LRP1B: variants seen among roughly 807,000 people sequenced by gnomAD.
LRP1B encodes the protein LDL receptor related protein 1B.
A neutral mutation model predicts 556.6 loss-of-function variants in LRP1B; 217 were observed. The ratio of observed to expected loss-of-function variants is 0.39; its 90% CI spans 0.35 to 0.44. The LOEUF (loss-of-function observed/expected upper bound fraction) is 0.44, where lower values mean the gene tolerates loss of function less well. Among genes scored for constraint, LRP1B ranks in the 20% least tolerant of loss-of-function variants. The pLI, the probability that LRP1B is intolerant of heterozygous loss-of-function variation, is 1.00. For missense variants in LRP1B, 5,053 were observed against 5,620.8 expected (o/e 0.90, Z 3.23); for synonymous variants, 2,047 against 1,865.8 (o/e 1.10, Z -2.50).
intron 35 of LRP1B, among the ~76,000 whole-genome samples, chr2:140,752,215 G>A (rs904901799): frequency 1.8e-4 from 27 of 152,114 alleles, no homozygotes; most frequent in Non-Finnish European, 7.4e-5. Context: ...TAAGAAGGCT[G>A]AGGCAGAAGA....
chr2:140,270,402 G>A (rs2104944337), intron 85 of LRP1B, 56 bp from the exon 86 acceptor site: 2 of 1,104,866 alleles, frequency 1.8e-6, no homozygotes, highest in Non-Finnish European at 2.8e-6. Flanking sequence ...CATTATTGCT[G>A]AAAGCTGACA....
At chr2:140,414,160 C>G (rs1401395757) in intron 66 of LRP1B, among the ~76,000 whole-genome samples, 1 of 152,130 alleles carries the variant, frequency 6.6e-6, no homozygotes, top group East Asian at 1.9e-4. Flanking sequence ...AAGCAATCCT[C>G]CCACCTTTAC....
intron 82 of LRP1B, among the ~76,000 whole-genome samples, chr2:140,319,288 A>C (rs997229157): frequency 6.6e-6 from 1 of 152,152 alleles, no homozygotes; most frequent in African/African-American, 2.4e-5. Flanking sequence ...CATCAGAGCC[A>C]ATGTAAAAGT....
At position 140,903,045 on chromosome 2, in the gene LRP1B, A is replaced by G. The variant is rs759807536; in HGVS notation, c.3641T>C (p.Ile1214Thr). The G allele has an allele frequency of 6.2e-7, 1 of 1,613,704 alleles. No homozygotes were observed. The change falls in exon 23 of 91, where the codon ATT becomes ACT. Residue 1214 changes from isoleucine to threonine, a missense_variant. Around this residue, in one of 5 missense-constraint regions of LRP1B, gnomAD observed 3,619 missense variants for 3,931.9 expected, o/e 0.92. Transcript: ENST00000389484. ...QLNKDNKTCEIVDYCSNHLKC... is the reference protein window; with the variant it reads ...QLNKDNKTCETVDYCSNHLKC... Reference sequence around the variant, plus strand: ...TAGATGATTGCTACAATAATCCACAATTTCACATGTTTTATTGTCTTTGTT... The same window carrying G: ...TAGATGATTGCTACAATAATCCACAGTTTCACATGTTTTATTGTCTTTGTT...
chr2:140,418,620 C>T (rs930709012), intron 66 of LRP1B, among the ~76,000 whole-genome samples: 3 of 151,814 alleles, frequency 2.0e-5, no homozygotes, highest in African/African-American at 7.3e-5. Context: ...AATGAGACTA[C>T]AGAGTACACT....
At chr2:140,431,387 G>A (rs1164544382) in intron 66 of LRP1B, among the ~76,000 whole-genome samples, 2 of 152,030 alleles carry the variant, frequency 1.3e-5, no homozygotes, top group Admixed American at 6.6e-5. Flanking sequence ...TCTCATTCCA[G>A]GCACCAGACC....
intron 60 of LRP1B, among the ~76,000 whole-genome samples, chr2:140,474,181 T>C (rs1687873702): frequency 6.6e-6 from 1 of 151,978 alleles, no homozygotes; most frequent in African/African-American, 2.4e-5. Flanking sequence ...CTGACAGGAA[T>C]ATAGGTAAAA....
chr2:140,503,885 C>T (rs1689297217), intron 53 of LRP1B, among the ~76,000 whole-genome samples: 1 of 151,872 alleles, frequency 6.6e-6, no homozygotes, highest in Non-Finnish European at 1.5e-5. Context: ...AAACACAATT[C>T]CAACGGAAAA....
chr2:140,769,567 G>C (rs1689233913), intron 34 of LRP1B, among the ~76,000 whole-genome samples: 1 of 151,810 alleles, frequency 6.6e-6, no homozygotes, highest in African/African-American at 2.4e-5. Flanking sequence ...GTTAAAATAG[G>C]AATTTATTAA....
At chr2:140,601,300 T>C (rs1379034635) in intron 42 of LRP1B, 150 bp downstream of exon 42, 2 of 622,278 alleles carry the variant, frequency 3.2e-6, no homozygotes, top group Admixed American at 7.3e-5. Flanking sequence ...TTTATAATGC[T>C]CTTACATAAA....
chr2:140,748,758 T>C (rs1214726604), intron 35 of LRP1B, among the ~76,000 whole-genome samples: 1 of 100,264 alleles, frequency 1.0e-5, no homozygotes, highest in Non-Finnish European at 1.9e-5. Context: ...TGATATATAT[T>C]ATATACATGT....
intron 3 of LRP1B, among the ~76,000 whole-genome samples, chr2:141,428,441 A>C (rs1175254676): frequency 2.6e-5 from 4 of 152,192 alleles, no homozygotes; most frequent in Non-Finnish European, 5.9e-5. Flanking sequence ...TGCTAAGCTA[A>C]AAACTTATTA....
At chr2:140,880,635 T>C (rs1693444499) in intron 25 of LRP1B, among the ~76,000 whole-genome samples, 1 of 152,216 alleles carries the variant, frequency 6.6e-6, no homozygotes, top group Non-Finnish European at 1.5e-5. Context: ...AAGACCTTGA[T>C]TGCTGTAGAA....
intron 1 of LRP1B, among the ~76,000 whole-genome samples, chr2:141,840,240 G>A (rs965992948): frequency 6.9e-6 from 1 of 144,096 alleles, no homozygotes; most frequent in African/African-American, 2.6e-5. Context: ...TTAGGTCATC[G>A]TATTAGAACA....
At chr2:142,077,128 A>T (rs1453330901) in intron 1 of LRP1B, among the ~76,000 whole-genome samples, 1 of 152,142 alleles carries the variant, frequency 6.6e-6, no homozygotes, top group African/African-American at 2.4e-5. Flanking sequence ...TAATGATAAT[A>T]ATAAGTTACA....
chr2:141,540,464 A>G (rs890466800), intron 2 of LRP1B, among the ~76,000 whole-genome samples: 1 of 152,006 alleles, frequency 6.6e-6, no homozygotes, highest in Non-Finnish European at 1.5e-5. Flanking sequence ...TATTTAGCCA[A>G]TTTAAATTTT....
At chr2:140,523,728 C>A (rs1456066497) in intron 49 of LRP1B, among the ~76,000 whole-genome samples, 1 of 151,808 alleles carries the variant, frequency 6.6e-6, no homozygotes, top group Non-Finnish European at 1.5e-5. Flanking sequence ...ACACAAAGTT[C>A]AAGCTGAGGG....
At chr2:140,881,583 T>G (rs932367244) in intron 25 of LRP1B, among the ~76,000 whole-genome samples, 1 of 152,104 alleles carries the variant, frequency 6.6e-6, no homozygotes. Context: ...TTAGTAGTTA[T>G]CCAAACTCTA....
At chr2:141,314,854 A>G (rs1686950378) in intron 3 of LRP1B, among the ~76,000 whole-genome samples, 1 of 127,444 alleles carries the variant, frequency 7.8e-6, no homozygotes, top group South Asian at 2.6e-4. Flanking sequence ...ACACATATAT[A>G]TACATATATA....
Sources: allele counts gnomAD v4.1 joint callset (sites outside exome capture counted in the v4.1 genomes callset), GRCh38; gene constraint gnomAD v4.1.1; regional missense constraint gnomAD v4.1.1; transcripts MANE v1.5; gene names NCBI Gene and HGNC (gene_info 2026-07-23, HGNC 2026-07-21).